Variants in WNK3 observed in about 807,000 individuals in gnomAD.
WNK3 encodes the protein WNK lysine deficient protein kinase 3.
WNK3 carries 18 observed loss-of-function variants against 116.7 expected under a neutral mutation model. That is an observed-to-expected ratio of 0.15 (90% CI 0.11 to 0.23). The LOEUF is 0.23. WNK3 is among the 10% of genes least tolerant of loss of function. The pLI, the probability that WNK3 is intolerant of heterozygous loss-of-function variation, is 1.00. For missense variants in WNK3, 993 were observed against 1,323.8 expected (o/e 0.75, Z 3.88); for synonymous variants, 404 against 469.4 (o/e 0.86, Z 1.80).
chrX:54,194,687 A>T (rs1325518354), exon 24 of WNK3: 1 of 111,408 alleles, frequency 9.0e-6, no homozygotes, highest in Non-Finnish European at 1.9e-5. Context: ...GTTGGCTAGC[A>T]CTGGGAAAAA....
intron 20 of WNK3, among the ~76,000 whole-genome samples, chrX:54,233,261 T>TAAAAAAAA (rs782394068): frequency 1.3e-5 from 1 of 76,920 alleles, no homozygotes. Context: ...CCTATCTCTC[T>TAAAAAAAA]AAAAAAAAAA....
chrX:54,354,403 A>G (rs1299481552), intron 1 of WNK3, among the ~76,000 whole-genome samples: 1 of 111,880 alleles, frequency 8.9e-6, no homozygotes, highest in Non-Finnish European at 1.9e-5. Flanking sequence ...CTGTAAATAG[A>G]GCTGGTCTAC....
chrX:54,273,457 G>T (rs2068406989), intron 10 of WNK3, among the ~76,000 whole-genome samples: 1 of 111,663 alleles, frequency 9.0e-6, no homozygotes, highest in Admixed American at 9.6e-5. Flanking sequence ...GCCAGGAATT[G>T]CTTGAACCCG....
intron 13 of WNK3, 75 bp downstream of exon 13, chrX:54,253,884 A>G: frequency 1.4e-6 from 1 of 725,149 alleles, no homozygotes; most frequent in South Asian, 3.3e-5. Context: ...ATGGCTCAAA[A>G]TAAATGGAGA....
intron 22 of WNK3, among the ~76,000 whole-genome samples, chrX:54,221,817 G>A (rs1205904939): frequency 9.2e-6 from 1 of 108,632 alleles, no homozygotes; most frequent in Non-Finnish European, 1.9e-5. Context: ...CTGGGCAACA[G>A]AGCAAGACCC....
At chrX:54,196,369 T>A (rs1482300147) in exon 24 of WNK3, 1 of 107,550 alleles carries the variant, frequency 9.3e-6, no homozygotes, top group Non-Finnish European at 1.9e-5. Context: ...ATCTTCTTGA[T>A]AATGGATGTG....
chrX:54,306,092 C>T (rs1320339482), intron 5 of WNK3, among the ~76,000 whole-genome samples: 1 of 110,910 alleles, frequency 9.0e-6, no homozygotes, highest in Non-Finnish European at 1.9e-5. Context: ...ATACCGCATG[C>T]ATTAAAAAAC....
chrX:54,255,952 C>A, intron 11 of WNK3, 65 bp from the exon 12 acceptor site: 1 of 939,004 alleles, frequency 1.1e-6, no homozygotes, highest in Non-Finnish European at 1.5e-6. Flanking sequence ...GAAAAACTCC[C>A]AATTATAAAA....
At chrX:54,215,943 C>A (rs1419565882) in intron 22 of WNK3, among the ~76,000 whole-genome samples, 16 of 111,558 alleles carry the variant, frequency 1.4e-4, no homozygotes, top group Non-Finnish European at 5.7e-5. Context: ...AAGAAAAATT[C>A]TTCTGCCTTG....
At chrX:54,249,774 C>T in intron 16 of WNK3, 140 bp from the exon 17 acceptor site, 1 of 734,165 alleles carries the variant, frequency 1.4e-6, no homozygotes, top group East Asian at 3.3e-5. Context: ...AGACTCAAAA[C>T]ACAGAATTCA....
intron 17 of WNK3, among the ~76,000 whole-genome samples, chrX:54,248,263 G>T (rs1007171115): frequency 1.8e-5 from 2 of 109,488 alleles, no homozygotes. Flanking sequence ...TATTAATGAT[G>T]ATTTTTACTT....
intron 10 of WNK3, among the ~76,000 whole-genome samples, chrX:54,264,517 C>G (rs782773071): frequency 4.5e-5 from 5 of 110,112 alleles, no homozygotes; most frequent in Non-Finnish European, 7.6e-5. Context: ...AGCACGGTTC[C>G]TGGGATAAAA....
In WNK3 at chrX:54,251,694, A is replaced by C. The variant is rs782587851; in HGVS notation, c.2368-7T>G. The C allele has an allele frequency of 8.3e-7, 1 of 1,207,286 alleles. No homozygotes were observed. Among genetic ancestry groups the C allele is most frequent in the Non-Finnish European group, 1.1e-6 (1 of 892,805 alleles). ...GCACAAAGTTATCTTCAACCTGCCC[A>C]AAAGTAAGTCTATTCATGAGAATGA... On this transcript the variant is annotated splice_polypyrimidine_tract_variant and splice_region_variant and intron_variant, in intron 13 of 23. Transcript: ENST00000354646.
intron 1 of WNK3, among the ~76,000 whole-genome samples, chrX:54,351,007 A>AC (rs2069507979): frequency 9.0e-6 from 1 of 111,021 alleles, no homozygotes; most frequent in African/African-American, 3.3e-5. Flanking sequence ...TTAAAAAAAA[A>AC]CCCACAAAAC....
intron 2 of WNK3, among the ~76,000 whole-genome samples, chrX:54,313,404 T>A (rs1230151433): frequency 9.3e-6 from 1 of 108,065 alleles, no homozygotes; most frequent in African/African-American, 3.4e-5. Context: ...CAGGCTGGAG[T>A]GCAATGGCGC....
chrX:54,243,006 T>A lies in WNK3; in HGVS notation c.3652-3907A>T, dbSNP rs782410088. On this transcript the variant is annotated intron_variant, in intron 17 of 23. Transcript: ENST00000354646. ...TATTTTATTTTATAGAGATGGGGGGTCTCACTATGTTGACCAGGCTGGTCT... is the reference window on the plus strand; with the variant it reads ...TATTTTATTTTATAGAGATGGGGGGACTCACTATGTTGACCAGGCTGGTCT... Among the ~76,000 whole-genome samples, 83 of 109,605 alleles carry A rather than the reference T, an allele frequency of 7.6e-4. 1 individual carries two copies. The highest frequency in any genetic ancestry group is 1.3e-3 in the Non-Finnish European group (68 of 52,669).
At chrX:54,259,133 A>C (rs1336386731) in intron 11 of WNK3, 141 bp downstream of exon 11, 4 of 329,352 alleles carry the variant, frequency 1.2e-5, no homozygotes, top group Non-Finnish European at 2.1e-5. Flanking sequence ...AAAAAAAAAA[A>C]AAACTATCGT....
chrX:54,312,705 T>C (rs1465569789), intron 2 of WNK3, among the ~76,000 whole-genome samples: 1 of 111,569 alleles, frequency 9.0e-6, no homozygotes, highest in Non-Finnish European at 1.9e-5. Context: ...CCTCCCAAAG[T>C]GCTGGGACTA....
At chrX:54,329,465 C>G (rs1002962490) in intron 2 of WNK3, among the ~76,000 whole-genome samples, 5 of 110,836 alleles carry the variant, frequency 4.5e-5, no homozygotes, top group Admixed American at 9.7e-5. Context: ...ATGTTGAAAC[C>G]TGCCTCTACT....
Sources: gnomAD v4.1 joint callset for allele counts (sites outside exome capture counted in the v4.1 genomes callset) on GRCh38, gnomAD v4.1.1 for gene constraint, MANE v1.5 for transcripts, NCBI Gene and HGNC (gene_info 2026-07-23, HGNC 2026-07-21) for gene names.